Variants in PRKG1 observed in about 807,000 individuals in gnomAD.
PRKG1 encodes the protein cGMP-dependent protein kinase 1.
Under a neutral mutation model 88.1 loss-of-function variants are expected in PRKG1, and 35 were observed. The observed-to-expected ratio is 0.40, with a 90% CI of 0.30 to 0.53. PRKG1 has a LOEUF of 0.53. Among genes scored for constraint, PRKG1 ranks in the 20% least tolerant of loss-of-function variants. The pLI is 0.59. For synonymous variants in PRKG1, 303 were observed against 292.5 expected (o/e 1.04, Z -0.37); for missense variants, 540 against 839.8 (o/e 0.64, Z 4.41).
At chr10:52,215,596 G>C (rs1407508363) in intron 9 of PRKG1, among the ~76,000 whole-genome samples, 1 of 151,886 alleles carries the variant, frequency 6.6e-6, no homozygotes, top group Non-Finnish European at 1.5e-5. Context: ...AATACACTTT[G>C]GTGGTATTCA....
chr10:51,330,771 C>G (rs1042210462), intron 2 of PRKG1, among the ~76,000 whole-genome samples: 1 of 152,092 alleles, frequency 6.6e-6, no homozygotes, highest in Non-Finnish European at 1.5e-5. Context: ...GTTTGCTGAG[C>G]CTTCTTAAAA....
Position 51,491,590 on chromosome 10 carries a change from A to G in PRKG1, c.592+23754A>G, listed in dbSNP as rs561573281. Among the ~76,000 whole-genome samples the G allele has an allele frequency of 3.3e-5, 5 of 152,208 alleles. No individual in the cohort carries two copies. In the East Asian group the frequency reaches 7.7e-4, roughly 24 times the overall value. ...GAGCATGACTATAACCACTACTTGG[A>G]TCTCCATATACTCAGTACTTTGTTG... On this transcript the variant is annotated intron_variant, in intron 3 of 17. Transcript: ENST00000373980.
chr10:51,770,433 GCTTAGC>G (rs1394433262), intron 3 of PRKG1, among the ~76,000 whole-genome samples: 2 of 152,176 alleles, frequency 1.3e-5, no homozygotes, highest in Admixed American at 1.3e-4. Context: ...TGTTTGGAAA[GCTTAGC>G]ACTAGGTTCT....
chr10:51,556,968 T>G (rs1837329448), intron 3 of PRKG1, among the ~76,000 whole-genome samples: 1 of 152,074 alleles, frequency 6.6e-6, no homozygotes, highest in South Asian at 2.1e-4. Context: ...TTAAATCTGT[T>G]TTCTTTCTAT....
At chr10:52,127,760 T>C (rs1179143130) in intron 7 of PRKG1, among the ~76,000 whole-genome samples, 1 of 152,156 alleles carries the variant, frequency 6.6e-6, no homozygotes, top group Non-Finnish European at 1.5e-5. Flanking sequence ...GATTAGAAGG[T>C]ATATAATTAT....
chr10:51,937,273 A>G (rs1842817005), intron 5 of PRKG1, among the ~76,000 whole-genome samples: 1 of 152,046 alleles, frequency 6.6e-6, no homozygotes, highest in Non-Finnish European at 1.5e-5. Flanking sequence ...GCCATATTCT[A>G]TGCCGCTATG....
intron 4 of PRKG1, among the ~76,000 whole-genome samples, chr10:51,897,174 G>C (rs1336695972): frequency 6.6e-6 from 1 of 152,130 alleles, no homozygotes; most frequent in African/African-American, 2.4e-5. Flanking sequence ...GCTTGCTAAG[G>C]GGAATAATTA....
At chr10:51,312,118 C>T (rs778039207) in intron 2 of PRKG1, among the ~76,000 whole-genome samples, 5 of 152,038 alleles carry the variant, frequency 3.3e-5, no homozygotes, top group Admixed American at 1.3e-4. Flanking sequence ...GTGATCTGCC[C>T]GCCTCGGCCT....
intron 3 of PRKG1, among the ~76,000 whole-genome samples, chr10:51,790,043 G>C (rs555312140): frequency 1.3e-5 from 2 of 152,074 alleles, no homozygotes; most frequent in Admixed American, 1.3e-4. Context: ...GGCTGATGTC[G>C]AACTCCTGAC....
chr10:51,202,194 A>C (rs1001844177), intron 2 of PRKG1, among the ~76,000 whole-genome samples: 1 of 152,216 alleles, frequency 6.6e-6, no homozygotes, highest in Admixed American at 6.5e-5. Flanking sequence ...GGAGGTGCCC[A>C]GCCCAGAGAT....
chr10:52,259,954 T>C (rs891147402), intron 10 of PRKG1, among the ~76,000 whole-genome samples: 2 of 152,072 alleles, frequency 1.3e-5, no homozygotes, highest in African/African-American at 4.8e-5. Flanking sequence ...ACAAGAATCG[T>C]ATGGGGGAAG....
chr10:52,018,974 A>G (rs1473974281), intron 5 of PRKG1, among the ~76,000 whole-genome samples: 1 of 6,774 alleles, frequency 1.5e-4, no homozygotes, highest in Non-Finnish European at 4.1e-4. Flanking sequence ...ATTTATGAAG[A>G]AAAGGGTTCA....
chr10:51,045,687 C>T (rs1843480692), intron 1 of PRKG1, among the ~76,000 whole-genome samples: 1 of 152,090 alleles, frequency 6.6e-6, no homozygotes, highest in African/African-American at 2.4e-5. Context: ...CAACTGTGCT[C>T]GTAATCACCA....
At chr10:51,568,918 T>G (rs1437496885) in intron 3 of PRKG1, 4 of 152,064 alleles carry the variant, frequency 2.6e-5, no homozygotes, top group Non-Finnish European at 5.9e-5. Flanking sequence ...TAAGAAGTGG[T>G]GGCTATGAGG....
At chr10:51,944,388 A>T (rs1248938685) in intron 5 of PRKG1, among the ~76,000 whole-genome samples, 5 of 151,640 alleles carry the variant, frequency 3.3e-5, no homozygotes, top group Admixed American at 3.3e-4. Context: ...AATTTTGTTG[A>T]TCCTTTCAAA....
chr10:52,171,720 TA>T (rs66768341), intron 9 of PRKG1, among the ~76,000 whole-genome samples: 108,337 of 148,096 alleles, frequency 0.73, 39,595 homozygotes, highest in East Asian at 0.89. Flanking sequence ...GTTGCTTTTT[TA>T]AAAAAAAATG....
chr10:51,017,899 A>G (rs1843089259), intron 1 of PRKG1, among the ~76,000 whole-genome samples: 1 of 152,038 alleles, frequency 6.6e-6, no homozygotes, highest in African/African-American at 2.4e-5. Flanking sequence ...CCTGGGCTCA[A>G]GTGATCTTCC....
chr10:51,763,220 T>C (rs1253378757), intron 3 of PRKG1, among the ~76,000 whole-genome samples: 2 of 152,190 alleles, frequency 1.3e-5, no homozygotes, highest in South Asian at 2.1e-4. Context: ...TATATGTATA[T>C]TTTTAATTTT....
intron 6 of PRKG1, among the ~76,000 whole-genome samples, chr10:52,055,041 C>G (rs770947644): frequency 6.6e-6 from 1 of 152,142 alleles, no homozygotes; most frequent in Non-Finnish European, 1.5e-5. Flanking sequence ...GAGGCTGAGA[C>G]AGGAGGATTG....
Sources: gnomAD v4.1 joint callset for allele counts (sites outside exome capture counted in the v4.1 genomes callset) on GRCh38, gnomAD v4.1.1 for gene constraint, MANE v1.5 for transcripts, NCBI Gene and HGNC (gene_info 2026-07-23, HGNC 2026-07-21) for gene names.